ATP10B: variants seen among roughly 807,000 people sequenced by gnomAD.
The protein encoded by ATP10B is ATPase phospholipid transporting 10B (putative), also known as phospholipid-transporting ATPase VB.
Under a neutral mutation model 141.2 loss-of-function variants are expected in ATP10B, and 122 were observed. The observed-to-expected ratio is 0.86, with a 90% CI of 0.75 to 1.00. The LOEUF is 1.00. Ranked by LOEUF, ATP10B falls within the 50% of genes least tolerant of loss-of-function variation. The pLI is 0.00. For synonymous variants in ATP10B, 685 were observed against 692.0 expected (o/e 0.99, Z 0.16); for missense variants, 1,876 against 1,825.3 (o/e 1.03, Z -0.51).
At chr5:160,879,485 A>G in the ATP10B span, among the ~76,000 whole-genome samples, 1 of 143,442 alleles carries the variant, frequency 7.0e-6, no homozygotes, top group Admixed American at 7.1e-5. Flanking sequence ...ATGTATACGT[A>G]TGTAACTAAC....
intron 1 of ATP10B, among the ~76,000 whole-genome samples, chr5:160,827,157 CCT>C (rs1193726775): frequency 6.6e-6 from 1 of 152,180 alleles, no homozygotes; most frequent in Non-Finnish European, 1.5e-5. Flanking sequence ...GCATCATGGT[CCT>C]ACCAATATGT....
At chr5:160,927,552 A>G in the ATP10B span, among the ~76,000 whole-genome samples, 2 of 152,222 alleles carry the variant, frequency 1.3e-5, no homozygotes, top group African/African-American at 2.4e-5. Flanking sequence ...TTCTTAAACC[A>G]AGATGTTTAT....
the ATP10B span, among the ~76,000 whole-genome samples, chr5:160,879,701 G>A: frequency 6.6e-6 from 1 of 152,172 alleles, no homozygotes; most frequent in South Asian, 2.1e-4. Flanking sequence ...AGCCGGGCGT[G>A]GTAGCGGGCG....
the ATP10B span, among the ~76,000 whole-genome samples, chr5:160,927,765 G>A: frequency 6.6e-6 from 1 of 152,206 alleles, no homozygotes; most frequent in Non-Finnish European, 1.5e-5. Context: ...GGACTTTTGT[G>A]CTAATGGGAG....
intron 13 of ATP10B, among the ~76,000 whole-genome samples, chr5:160,630,651 A>G (rs1758869619): frequency 6.6e-6 from 1 of 152,228 alleles, no homozygotes. Flanking sequence ...AAAATTAAGA[A>G]GGATGTAGCA....
intron 1 of ATP10B, among the ~76,000 whole-genome samples, chr5:160,849,356 A>C (rs531489463): frequency 4.9e-4 from 75 of 152,256 alleles, no homozygotes; most frequent in African/African-American, 1.7e-3. Context: ...AAGAGACAAA[A>C]GTACCTCCTC....
intron 2 of ATP10B, among the ~76,000 whole-genome samples, chr5:160,732,262 G>T (rs1362616952): frequency 6.6e-6 from 1 of 152,212 alleles, no homozygotes; most frequent in Non-Finnish European, 1.5e-5. Context: ...TTTAACAGGA[G>T]AATGGAAATG....
chr5:160,568,036 T>C (rs1754651008), intron 25 of ATP10B, among the ~76,000 whole-genome samples: 1 of 152,158 alleles, frequency 6.6e-6, no homozygotes, highest in Admixed American at 6.6e-5. Flanking sequence ...ATTAATTCCC[T>C]GGGGCCTGCC....
chr5:160,873,985 C>A, the ATP10B span, among the ~76,000 whole-genome samples: 19 of 152,348 alleles, frequency 1.2e-4, no homozygotes, highest in Non-Finnish European at 1.9e-4. Context: ...CCCAGGCTTG[C>A]TTAGGTAAAC....
At chr5:160,756,575 A>G (rs530299501) in intron 2 of ATP10B, among the ~76,000 whole-genome samples, 3 of 152,304 alleles carry the variant, frequency 2.0e-5, no homozygotes, top group African/African-American at 7.2e-5. Flanking sequence ...AGTGGGTTGT[A>G]GTGATATTTC....
At chr5:160,748,569 C>T (rs921387438) in intron 2 of ATP10B, among the ~76,000 whole-genome samples, 3 of 152,196 alleles carry the variant, frequency 2.0e-5, no homozygotes, top group Non-Finnish European at 2.9e-5. Context: ...GAGGGCTGCC[C>T]ACTCTCAGTA....
the ATP10B span, among the ~76,000 whole-genome samples, chr5:160,904,768 C>T: frequency 6.6e-6 from 1 of 152,130 alleles, no homozygotes; most frequent in Non-Finnish European, 1.5e-5. Flanking sequence ...CTTCTGTTGC[C>T]AACATTAACC....
At chr5:160,652,161 C>G (rs896904750) in intron 7 of ATP10B, among the ~76,000 whole-genome samples, 3 of 152,058 alleles carry the variant, frequency 2.0e-5, no homozygotes, top group African/African-American at 7.2e-5. Context: ...TGCTGTGTCT[C>G]CTTTCCTGCT....
At chr5:160,721,583 G>A (rs1250642452) in intron 2 of ATP10B, among the ~76,000 whole-genome samples, 1 of 152,180 alleles carries the variant, frequency 6.6e-6, no homozygotes, top group Non-Finnish European at 1.5e-5. Context: ...AAATGTGAGA[G>A]GCAGGTGGAA....
intron 1 of ATP10B, among the ~76,000 whole-genome samples, chr5:160,829,734 T>C (rs968419022): frequency 7.2e-5 from 11 of 152,112 alleles, no homozygotes; most frequent in African/African-American, 1.7e-4. Flanking sequence ...AATGCAATCA[T>C]ATTCTTCGAC....
intron 2 of ATP10B, among the ~76,000 whole-genome samples, chr5:160,765,361 C>T (rs1238007236): frequency 6.6e-6 from 1 of 151,686 alleles, no homozygotes; most frequent in South Asian, 2.1e-4. Flanking sequence ...GCATGGTACT[C>T]GTATAAAAAC....
chr5:160,783,122 C>T (rs1314205852), intron 2 of ATP10B, among the ~76,000 whole-genome samples: 2 of 151,326 alleles, frequency 1.3e-5, no homozygotes, highest in Non-Finnish European at 2.9e-5. Flanking sequence ...ACCCATCACC[C>T]AAGCAGTATA....
intron 3 of ATP10B, among the ~76,000 whole-genome samples, chr5:160,689,979 A>C (rs1003990724): frequency 3.3e-5 from 5 of 152,016 alleles, no homozygotes; most frequent in African/African-American, 1.2e-4. Context: ...ACAGTAACCA[A>C]AACAGCATGA....
chr5:160,563,857 C>T lies in ATP10B; in HGVS notation c.*1596G>A, dbSNP rs1754392102. 1 of 152,208 alleles carries T rather than the reference C, an allele frequency of 6.6e-6. No homozygotes were observed. The highest frequency in any genetic ancestry group is 2.4e-5 in the African/African-American group (1 of 41,446). 9.4% of individuals were successfully genotyped at this position (152,208 alleles called of 1,614,324 possible). On this transcript the variant is annotated 3_prime_UTR_variant, in exon 26 of 26. Transcript: ENST00000327245. ...CTTTGCCAGGTATGTGTACCTGCCC[C>T]TTATTGGGCAATCCTCATGCAGGAT...
Sources: allele counts gnomAD v4.1 joint callset (sites outside exome capture counted in the v4.1 genomes callset), GRCh38; gene constraint gnomAD v4.1.1; transcripts MANE v1.5; gene names NCBI Gene and HGNC (gene_info 2026-07-23, HGNC 2026-07-21).